SCHIP1: variants seen among roughly 807,000 people sequenced by gnomAD.
SCHIP1 encodes the protein schwannomin-interacting protein 1.
In SCHIP1, 8 loss-of-function variants were observed where a neutral mutation model predicts 29.7. The observed-to-expected ratio is 0.27, with a 90% CI of 0.16 to 0.49. SCHIP1 has a LOEUF of 0.49. Among genes scored for constraint, SCHIP1 ranks in the 20% least tolerant of loss-of-function variants. The pLI, the probability that SCHIP1 is intolerant of heterozygous loss-of-function variation, is 0.99. For missense variants in SCHIP1, 193 were observed against 294.6 expected, an observed-to-expected ratio of 0.66 and a Z score of 2.52; for synonymous variants, 76 against 94.9, an observed-to-expected ratio of 0.80 and a Z score of 1.16.
chr3:159,683,354 G>A, the SCHIP1 span, among the ~76,000 whole-genome samples: 1 of 152,084 alleles, frequency 6.6e-6, no homozygotes, highest in African/African-American at 2.4e-5. Context: ...CCCGGCCCAG[G>A]AATCTGCATT....
the SCHIP1 span, among the ~76,000 whole-genome samples, chr3:159,510,499 C>T: frequency 2.6e-5 from 4 of 152,320 alleles, no homozygotes; most frequent in East Asian, 3.9e-4. Context: ...AGCTTTGTTC[C>T]GTTGCTGGTA....
At chr3:159,755,017 C>T in the SCHIP1 span, among the ~76,000 whole-genome samples, 1 of 152,164 alleles carries the variant, frequency 6.6e-6, no homozygotes, top group Non-Finnish European at 1.5e-5. Context: ...GGGTGGATCA[C>T]AAGGTCAGGA....
intron 1 of SCHIP1, among the ~76,000 whole-genome samples, chr3:159,863,301 C>T (rs1290779558): frequency 6.6e-6 from 1 of 151,740 alleles, no homozygotes; most frequent in African/African-American, 2.4e-5. Context: ...AATGGTGCCA[C>T]TGCACTCCAG....
At chr3:159,408,774 CA>C in the SCHIP1 span, among the ~76,000 whole-genome samples, 1 of 152,140 alleles carries the variant, frequency 6.6e-6, no homozygotes, top group Non-Finnish European at 1.5e-5. Flanking sequence ...GGAATACTTT[CA>C]AACTAATTCA....
chr3:159,890,498 C>A (rs1577501739), intron 5 of SCHIP1, among the ~76,000 whole-genome samples: 3 of 152,098 alleles, frequency 2.0e-5, no homozygotes, highest in Admixed American at 2.0e-4. Context: ...ATATTCAGTG[C>A]CAAGTTAACA....
At chr3:159,892,305 C>CCAGAAAAGG in intron 6 of SCHIP1, 115 bp downstream of exon 7, 3 of 1,221,294 alleles carry the variant, frequency 2.5e-6, no homozygotes, top group Non-Finnish European at 3.5e-6. Context: ...AAATAACTCA[C>CCAGAAAAGG]CTAGCCTTTT....
chr3:159,766,818 C>T, the SCHIP1 span, among the ~76,000 whole-genome samples: 1 of 152,134 alleles, frequency 6.6e-6, no homozygotes, highest in Non-Finnish European at 1.5e-5. Context: ...GACTGCCTTC[C>T]CTCCAGGAAC....
the SCHIP1 span, among the ~76,000 whole-genome samples, chr3:159,348,679 C>T: frequency 6.6e-6 from 1 of 152,140 alleles, no homozygotes; most frequent in East Asian, 1.9e-4. Context: ...CATCTGGCAG[C>T]ATCTTCCTAC....
chr3:159,353,928 T>C, the SCHIP1 span, among the ~76,000 whole-genome samples: 2 of 152,208 alleles, frequency 1.3e-5, no homozygotes, highest in Non-Finnish European at 2.9e-5. Flanking sequence ...CAATAATTCT[T>C]TGTTAGCTAC....
the SCHIP1 span, among the ~76,000 whole-genome samples, chr3:159,283,213 T>C: frequency 3.2e-4 from 49 of 152,262 alleles, no homozygotes; most frequent in African/African-American, 1.1e-3. Context: ...AATGCAGTGG[T>C]ATGATCTCAG....
chr3:159,772,275 G>A, the SCHIP1 span, among the ~76,000 whole-genome samples: 6 of 152,026 alleles, frequency 3.9e-5, no homozygotes, highest in African/African-American at 1.4e-4. Context: ...CTCAGCCTCC[G>A]GAGTAGCTGG....
At chr3:159,336,032 C>T in the SCHIP1 span, among the ~76,000 whole-genome samples, 2 of 152,190 alleles carry the variant, frequency 1.3e-5, no homozygotes, top group Admixed American at 1.3e-4. Context: ...CAATGATCAC[C>T]ATTCTAAGTG....
chr3:159,664,261 G>T, the SCHIP1 span, among the ~76,000 whole-genome samples: 1 of 152,120 alleles, frequency 6.6e-6, no homozygotes, highest in Non-Finnish European at 1.5e-5. Flanking sequence ...GGCAGAGGGT[G>T]GAGAGACCTA....
the SCHIP1 span, among the ~76,000 whole-genome samples, chr3:159,675,160 G>A: frequency 6.6e-6 from 1 of 152,156 alleles, no homozygotes; most frequent in Non-Finnish European, 1.5e-5. Context: ...CAGAAATGTT[G>A]AACTTGTTGG....
chr3:159,330,492 G>A, the SCHIP1 span, among the ~76,000 whole-genome samples: 18 of 151,908 alleles, frequency 1.2e-4, no homozygotes, highest in African/African-American at 3.6e-4. Flanking sequence ...ATAAATATTC[G>A]GCTTAGAGCA....
At chr3:159,849,428 G>A (rs1369981672) in intron 1 of SCHIP1, among the ~76,000 whole-genome samples, 1 of 152,104 alleles carries the variant, frequency 6.6e-6, no homozygotes, top group Non-Finnish European at 1.5e-5. Context: ...ATCCATGTTA[G>A]CTATCGATTA....
intron 1 of SCHIP1, among the ~76,000 whole-genome samples, chr3:159,859,945 A>G (rs888290858): frequency 6.6e-6 from 1 of 151,782 alleles, no homozygotes; most frequent in African/African-American, 2.4e-5. Flanking sequence ...ATCAAGTTTG[A>G]GTGCTATTGG....
At chr3:159,833,832 G>A in the SCHIP1 span, among the ~76,000 whole-genome samples, 1 of 152,112 alleles carries the variant, frequency 6.6e-6, no homozygotes, top group South Asian at 2.1e-4. Context: ...TAACTTCCCT[G>A]TTTCTTTTCA....
the SCHIP1 span, among the ~76,000 whole-genome samples, chr3:159,622,285 T>C: frequency 1.3e-5 from 2 of 152,180 alleles, no homozygotes; most frequent in Admixed American, 6.5e-5. Context: ...AAGACAGCAA[T>C]GTCAACACAT....
Sources: gnomAD v4.1 joint callset for allele counts (sites outside exome capture counted in the v4.1 genomes callset) on GRCh38, gnomAD v4.1.1 for gene constraint, MANE v1.5 for transcripts, NCBI Gene and HGNC (gene_info 2026-07-23, HGNC 2026-07-21) for gene names.